SPAG16: variants seen among roughly 807,000 people sequenced by gnomAD.
SPAG16 encodes sperm-associated antigen 16 protein.
SPAG16 carries 86 observed loss-of-function variants against 80.4 expected under a neutral mutation model. The observed-to-expected ratio is 1.07, with a 90% confidence interval of 0.90 to 1.28. The LOEUF is 1.28. Ranked by LOEUF, SPAG16 falls within the 50% of genes most tolerant of loss-of-function variation. The probability of loss-of-function intolerance (pLI) is 0.00; values close to 1 mark genes in which losing one functional copy is unlikely to be tolerated. For missense variants in SPAG16, 870 were observed against 765.3 expected, an observed-to-expected ratio of 1.14 and a Z score of -1.61; for synonymous variants, 294 against 265.9, an observed-to-expected ratio of 1.11 and a Z score of -1.03.
intron 10 of SPAG16, among the ~76,000 whole-genome samples, chr2:213,658,833 T>TC (rs2063317174): frequency 6.6e-6 from 1 of 152,114 alleles, no homozygotes; most frequent in African/African-American, 2.4e-5. Context: ...AGTCAGGAGA[T>TC]GAGACCATCC....
chr2:214,023,059 G>A (rs188538703), intron 13 of SPAG16, among the ~76,000 whole-genome samples: 166 of 151,798 alleles, frequency 1.1e-3, no homozygotes, highest in Admixed American at 4.0e-3. Flanking sequence ...AATATTCCCC[G>A]TTCTCAATTA....
intron 15 of SPAG16, among the ~76,000 whole-genome samples, chr2:214,328,687 T>C (rs1158849249): frequency 6.6e-6 from 1 of 152,204 alleles, no homozygotes; most frequent in African/African-American, 2.4e-5. Flanking sequence ...AAAATGCACA[T>C]GAGAAAAAAG....
At chr2:214,284,317 A>G (rs555780144) in intron 15 of SPAG16, among the ~76,000 whole-genome samples, 55 of 152,152 alleles carry the variant, frequency 3.6e-4, no homozygotes, top group South Asian at 8.3e-4. Context: ...AGCTTATCTC[A>G]TCCCTTTAAT....
intron 10 of SPAG16, among the ~76,000 whole-genome samples, chr2:213,528,249 ATAACATTTAT>A (rs1221880261): frequency 6.6e-6 from 1 of 152,144 alleles, no homozygotes; most frequent in African/African-American, 2.4e-5. Context: ...TTAGAGAAAA[ATAACATTTAT>A]TTTCTAAGAT....
chr2:214,163,439 AG>A (rs993820192), intron 15 of SPAG16, among the ~76,000 whole-genome samples: 39 of 151,718 alleles, frequency 2.6e-4, no homozygotes, highest in African/African-American at 9.2e-4. Context: ...TTCCTACATC[AG>A]TATGCTTGCT....
At chr2:213,338,714 G>A (rs1308268429) in intron 5 of SPAG16, among the ~76,000 whole-genome samples, 2 of 152,126 alleles carry the variant, frequency 1.3e-5, no homozygotes, top group African/African-American at 2.4e-5. Flanking sequence ...CCTTTGTAGC[G>A]ACATGGATGG....
chr2:214,146,833 T>A (rs1291732996), intron 14 of SPAG16, among the ~76,000 whole-genome samples: 3 of 151,958 alleles, frequency 2.0e-5, no homozygotes, highest in Non-Finnish European at 4.4e-5. Flanking sequence ...ACCCCGTCTC[T>A]ACTAAAAATA....
chr2:213,836,180 C>T (rs2074065581), intron 10 of SPAG16, among the ~76,000 whole-genome samples: 2 of 142,410 alleles, frequency 1.4e-5, no homozygotes, highest in Admixed American at 1.4e-4. Context: ...TTATTCGCCC[C>T]CCCCCCCATT....
In SPAG16 at chr2:214,265,696, T is replaced by G. The variant is rs115157593; in HGVS notation, c.1720+116430T>G. ...ACCAAACCAATGGTCATGTAGATTT[T>G]CTTTTATTTATGTTCTAGAAGTTTT... is the stretch of plus-strand genomic sequence containing the variant. On this transcript the variant is annotated intron_variant, in intron 15 of 15. Transcript: ENST00000331683. Among the ~76,000 whole-genome samples, 1,122 of 152,154 alleles carry G rather than the reference T, an allele frequency of 7.4e-3. 10 individuals are homozygous for G. Among genetic ancestry groups the G allele is most frequent in the African/African-American group, 0.026 (1,073 of 41,566 alleles).
chr2:213,879,156 T>C (rs1400979377), intron 11 of SPAG16, among the ~76,000 whole-genome samples: 1 of 151,750 alleles, frequency 6.6e-6, no homozygotes, highest in Non-Finnish European at 1.5e-5. Flanking sequence ...TCCATATGAA[T>C]TTTAGGATTT....
At chr2:213,634,692 G>A (rs2062290966) in intron 10 of SPAG16, among the ~76,000 whole-genome samples, 1 of 152,068 alleles carries the variant, frequency 6.6e-6, no homozygotes, top group African/African-American at 2.4e-5. Context: ...AAATTTTGGT[G>A]CACCTATAAC....
At chr2:213,656,156 A>G (rs1316873722) in intron 10 of SPAG16, among the ~76,000 whole-genome samples, 1 of 152,254 alleles carries the variant, frequency 6.6e-6, no homozygotes, top group Non-Finnish European at 1.5e-5. Context: ...TTTCAAAAGT[A>G]CATCCTGCTA....
chr2:214,171,640 G>T (rs2056870578), intron 15 of SPAG16, among the ~76,000 whole-genome samples: 1 of 151,700 alleles, frequency 6.6e-6, no homozygotes, highest in African/African-American at 2.4e-5. Flanking sequence ...TTGGCTCCTT[G>T]CACTAACAGA....
intron 10 of SPAG16, among the ~76,000 whole-genome samples, chr2:213,765,855 A>G (rs1365359413): frequency 2.0e-5 from 3 of 152,210 alleles, no homozygotes; most frequent in Non-Finnish European, 4.4e-5. Flanking sequence ...AGGAGATAGA[A>G]CAAACTTAAG....
intron 10 of SPAG16, among the ~76,000 whole-genome samples, chr2:213,817,875 A>G (rs1032350594): frequency 2.3e-4 from 35 of 152,162 alleles, no homozygotes; most frequent in African/African-American, 8.0e-4. Flanking sequence ...ATATAGGCTG[A>G]CTACCTGGGT....
At chr2:214,351,741 A>T (rs1698424286) in intron 15 of SPAG16, among the ~76,000 whole-genome samples, 1 of 151,186 alleles carries the variant, frequency 6.6e-6, no homozygotes, top group Admixed American at 6.6e-5. Flanking sequence ...CAAAACTTAA[A>T]TATTGACAGT....
chr2:213,602,823 A>G (rs2061116868), intron 10 of SPAG16, among the ~76,000 whole-genome samples: 1 of 152,024 alleles, frequency 6.6e-6, no homozygotes, highest in South Asian at 2.1e-4. Context: ...AAAATCTTTG[A>G]TCTCATTTTA....
At chr2:214,272,906 C>G (rs1692142867) in intron 15 of SPAG16, among the ~76,000 whole-genome samples, 1 of 152,154 alleles carries the variant, frequency 6.6e-6, no homozygotes, top group Admixed American at 6.5e-5. Context: ...ACAGTCCCAC[C>G]AACAGTGTAA....
intron 10 of SPAG16, among the ~76,000 whole-genome samples, chr2:213,805,340 G>A (rs774491946): frequency 3.3e-5 from 5 of 152,140 alleles, no homozygotes; most frequent in Non-Finnish European, 5.9e-5. Flanking sequence ...CAGATTGGTG[G>A]AGAAACTGAT....
Sources: allele counts gnomAD v4.1 joint callset (sites outside exome capture counted in the v4.1 genomes callset), GRCh38; gene constraint gnomAD v4.1.1; transcripts MANE v1.5; gene names NCBI Gene and HGNC (gene_info 2026-07-23, HGNC 2026-07-21).